RP1: variants seen among roughly 807,000 people sequenced by gnomAD.
RP1 encodes the protein RP1 axonemal microtubule associated.
A neutral mutation model predicts 14.8 loss-of-function variants in RP1; 16 were observed. That is an observed-to-expected ratio of 1.08 (90% CI 0.73 to 1.65). RP1 has a LOEUF of 1.65. Ranked by LOEUF, RP1 falls within the 40% of genes most tolerant of loss-of-function variation. The pLI, the probability that RP1 is intolerant of heterozygous loss-of-function variation, is 0.00. For missense variants in RP1, 2,631 were observed against 2,535.0 expected, an observed-to-expected ratio of 1.04 and a Z score of -0.81; for synonymous variants, 876 against 883.6, an observed-to-expected ratio of 0.99 and a Z score of 0.15.
At chr8:54,684,168 G>A (rs1281546963) in intron 12 of RP1, among the ~76,000 whole-genome samples, 1 of 152,148 alleles carries the variant, frequency 6.6e-6, no homozygotes, top group African/African-American at 2.4e-5. Flanking sequence ...ACGCCAACTT[G>A]ATCGTGATGG....
chr8:54,707,632 C>T (rs1314832503), intron 15 of RP1, among the ~76,000 whole-genome samples: 7 of 152,138 alleles, frequency 4.6e-5, no homozygotes, highest in African/African-American at 9.7e-5. Flanking sequence ...CCGCCCTCTC[C>T]CTTCTTACCA....
chr8:54,772,637 G>A (rs1481236552), downstream of RP1, among the ~76,000 whole-genome samples: 1 of 152,152 alleles, frequency 6.6e-6, no homozygotes, highest in Non-Finnish European at 1.5e-5. Flanking sequence ...CCACTTCACA[G>A]GTGATGAAAC....
chr8:54,868,285 ATTTAAGATGGTTTATTGTATCATAC>A (rs1447549094), intron 28 of RP1, among the ~76,000 whole-genome samples: 1 of 152,192 alleles, frequency 6.6e-6, no homozygotes, highest in East Asian at 1.9e-4. Flanking sequence ...AGATGAAAAT[ATTTAAGATGGTTTATTGTATCATAC>A]TATCATATGG....
intron 1 of RP1, among the ~76,000 whole-genome samples, chr8:54,587,230 G>A (rs200893831): frequency 4.6e-5 from 7 of 152,182 alleles, no homozygotes; most frequent in East Asian, 1.9e-4. Context: ...GTTTGAGACC[G>A]GCCTGGCCAA....
At chr8:54,602,813 C>T (rs894766593) in intron 1 of RP1, among the ~76,000 whole-genome samples, 5 of 152,008 alleles carry the variant, frequency 3.3e-5, no homozygotes, top group African/African-American at 7.2e-5. Flanking sequence ...TTTCATGTGT[C>T]TTTTGGCTGC....
At chr8:54,670,235 T>G (rs1807121962) in intron 7 of RP1, among the ~76,000 whole-genome samples, 1 of 151,786 alleles carries the variant, frequency 6.6e-6, no homozygotes, top group South Asian at 2.1e-4. Flanking sequence ...ATGTTCCGTG[T>G]TTTTTGGTGG....
chr8:54,788,949 C>G (rs1222217769), intron 24 of RP1, among the ~76,000 whole-genome samples: 1 of 152,196 alleles, frequency 6.6e-6, no homozygotes, highest in Non-Finnish European at 1.5e-5. Context: ...AGCAGTTACA[C>G]TTTGACTGCT....
chr8:54,650,550 C>T (rs565205695), intron 4 of RP1, among the ~76,000 whole-genome samples: 1 of 152,170 alleles, frequency 6.6e-6, no homozygotes, highest in African/African-American at 2.4e-5. Flanking sequence ...ATTTTATTCA[C>T]TCCAAAAGAA....
intron 1 of RP1, among the ~76,000 whole-genome samples, chr8:54,605,458 A>G (rs1186475672): frequency 6.6e-6 from 1 of 152,146 alleles, no homozygotes; most frequent in African/African-American, 2.4e-5. Context: ...TTTACTTCCA[A>G]CTATGTGGTC....
intron 24 of RP1, among the ~76,000 whole-genome samples, chr8:54,794,293 A>G (rs559594442): frequency 6.6e-6 from 1 of 152,140 alleles, no homozygotes; most frequent in South Asian, 2.1e-4. Context: ...GATGCATTGC[A>G]TTATCTGATT....
chr8:54,868,603 A>G lies in RP1; in HGVS notation c.4152-1240A>G, dbSNP rs189103894. Among the ~76,000 whole-genome samples the G allele has an allele frequency of 1.5e-3, 234 of 152,262 alleles. 1 individual carries two copies. Among genetic ancestry groups the G allele is most frequent in the African/African-American group, 5.0e-3 (209 of 41,546 alleles). On this transcript the variant is annotated intron_variant, in intron 28 of 28. Transcript: ENST00000637698. ...TTCCTTGGCCCTCTGGAAAGTTTTAATTTAGTGTCTATCAATCTGTTGTTT... is the reference window on the plus strand; with the variant it reads ...TTCCTTGGCCCTCTGGAAAGTTTTAGTTTAGTGTCTATCAATCTGTTGTTT...
At chr8:54,587,570 C>T (rs868588433) in intron 1 of RP1, among the ~76,000 whole-genome samples, 1 of 152,160 alleles carries the variant, frequency 6.6e-6, no homozygotes. Context: ...CTAAGAAAGG[C>T]CAAGGCAAGC....
exon 20 of RP1, chr8:54,754,847 A>C: frequency 6.5e-7 from 1 of 1,528,716 alleles, no homozygotes. Flanking sequence ...TAGATTTTGC[A>C]GCAAACGTAT....
At chr8:54,752,845 C>T (rs1331713273) in intron 19 of RP1, among the ~76,000 whole-genome samples, 1 of 152,166 alleles carries the variant, frequency 6.6e-6, no homozygotes, top group African/African-American at 2.4e-5. Flanking sequence ...AGACACTGGC[C>T]TCTGTCTAAA....
chr8:54,772,486 C>G (rs536109067), downstream of RP1, among the ~76,000 whole-genome samples: 77 of 152,018 alleles, frequency 5.1e-4, no homozygotes, highest in African/African-American at 1.7e-3. Flanking sequence ...TGTCTAGGTC[C>G]CTGGTACAAT....
At chr8:54,779,392 A>G (rs1810126716) in intron 23 of RP1, among the ~76,000 whole-genome samples, 1 of 152,214 alleles carries the variant, frequency 6.6e-6, no homozygotes, top group South Asian at 2.1e-4. Flanking sequence ...AGTATGCCCA[A>G]CTAACAATTG....
chr8:54,626,155 A>G lies in RP1; in HGVS notation c.2273A>G (p.His758Arg), dbSNP rs769551321. Residue 758 changes from histidine to arginine, a missense_variant, in exon 4 of 4, where the codon CAT (histidine) becomes CGT (arginine). His to Arg is a conservative substitution (Grantham distance 29). Transcript: ENST00000220676. ...NLNSTISKNF[H>R]RNKLNTTQNS... ...AATTCCACGATTTCCAAGAATTTCC[A>G]TAGAAATAAATTAAATACTACTCAA... 7 of 1,612,616 alleles carry G rather than the reference A, an allele frequency of 4.3e-6. No individual in the cohort carries two copies. Among genetic ancestry groups the G allele is most frequent in the Middle Eastern group, 1.7e-4 (1 of 6,036 alleles).
chr8:54,720,595 G>T (rs1267409811), intron 16 of RP1, among the ~76,000 whole-genome samples: 1 of 152,162 alleles, frequency 6.6e-6, no homozygotes, highest in Non-Finnish European at 1.5e-5. Flanking sequence ...TTGAATCTTT[G>T]TTTTTTAAGG....
intron 5 of RP1, among the ~76,000 whole-genome samples, chr8:54,655,718 A>G (rs1303054250): frequency 1.3e-5 from 2 of 152,204 alleles, no homozygotes; most frequent in African/African-American, 4.8e-5. Flanking sequence ...AAATAGAAAC[A>G]CTAGAAATAG....
Sources: allele counts gnomAD v4.1 joint callset (sites outside exome capture counted in the v4.1 genomes callset), GRCh38; gene constraint gnomAD v4.1.1; transcripts MANE v1.5; gene names NCBI Gene and HGNC (gene_info 2026-07-23, HGNC 2026-07-21).